KCND3: variants seen among roughly 807,000 people sequenced by gnomAD.
KCND3 encodes the protein A-type voltage-gated potassium channel KCND3.
A neutral mutation model predicts 51.1 loss-of-function variants in KCND3; 9 were observed. That is an observed-to-expected ratio of 0.18 (90% CI 0.11 to 0.31). The LOEUF (loss-of-function observed/expected upper bound fraction) is 0.31, where lower values mean the gene tolerates loss of function less well. Ranked by LOEUF, KCND3 falls within the 10% of genes least tolerant of loss-of-function variation. KCND3 has a pLI of 1.00. For missense variants in KCND3, 526 were observed against 903.8 expected, an observed-to-expected ratio of 0.58 and a Z score of 5.36; for synonymous variants, 349 against 368.0, an observed-to-expected ratio of 0.95 and a Z score of 0.59.
At chr1:111,924,537 C>T (rs908225606) in intron 2 of KCND3, among the ~76,000 whole-genome samples, 3 of 152,128 alleles carry the variant, frequency 2.0e-5, no homozygotes, top group African/African-American at 7.2e-5. Flanking sequence ...AGGGGTTGTC[C>T]AATGGAACAG....
chr1:111,953,226 C>G (rs1673144508), intron 2 of KCND3, among the ~76,000 whole-genome samples: 1 of 152,156 alleles, frequency 6.6e-6, no homozygotes, highest in South Asian at 2.1e-4. Flanking sequence ...GCTGTCCACC[C>G]ACCCGGTCCA....
At chr1:111,886,702 CT>C (rs1169989213) in intron 2 of KCND3, among the ~76,000 whole-genome samples, 1 of 152,224 alleles carries the variant, frequency 6.6e-6, no homozygotes. Context: ...ATTTCCCTGA[CT>C]TTTCACAACA....
intron 2 of KCND3, among the ~76,000 whole-genome samples, chr1:111,965,125 T>C (rs1312991296): frequency 1.3e-5 from 2 of 149,804 alleles, no homozygotes; most frequent in African/African-American, 4.9e-5. Flanking sequence ...CCAAGGACTG[T>C]TGAATCTCTC....
intron 2 of KCND3, among the ~76,000 whole-genome samples, chr1:111,917,641 C>A (rs1307433278): frequency 6.6e-6 from 1 of 152,168 alleles, no homozygotes; most frequent in Non-Finnish European, 1.5e-5. Flanking sequence ...ACTTCTCCAT[C>A]AAAGGCCATT....
At chr1:111,988,085 A>G (rs1675389759) in intron 1 of KCND3, among the ~76,000 whole-genome samples, 2 of 152,166 alleles carry the variant, frequency 1.3e-5, no homozygotes, top group African/African-American at 4.8e-5. Context: ...AAGTCATGTC[A>G]CCAAGGTCTG....
In KCND3 at chr1:111,921,076, T is replaced by C. The variant is rs964565939; in HGVS notation, c.1106+60545A>G. Among the ~76,000 whole-genome samples, 12 of 152,170 alleles carry C rather than the reference T, an allele frequency of 7.9e-5. No homozygotes were observed. In the South Asian group the frequency reaches 1.5e-3, roughly 18 times the overall value. ...GAAAGAGTAAGGAAAACTAACATGG[T>C]TGAACTCCTACACTTAGCCAGCCAC... On this transcript the variant is annotated intron_variant, in intron 2 of 7. Transcript: ENST00000302127.
chr1:111,810,520 G>A (rs1665799345), intron 2 of KCND3, among the ~76,000 whole-genome samples: 1 of 152,224 alleles, frequency 6.6e-6, no homozygotes, highest in Non-Finnish European at 1.5e-5. Context: ...ATCCTGGCTG[G>A]AGAGACAGCA....
chr1:111,973,821 G>C (rs1402215389), intron 2 of KCND3, among the ~76,000 whole-genome samples: 1 of 152,108 alleles, frequency 6.6e-6, no homozygotes, highest in Admixed American at 6.5e-5. Context: ...GCCACTCATG[G>C]GTATTATGAT....
intron 2 of KCND3, among the ~76,000 whole-genome samples, chr1:111,889,359 C>G (rs1029444362): frequency 1.3e-5 from 2 of 152,154 alleles, no homozygotes; most frequent in Non-Finnish European, 2.9e-5. Context: ...ATGCCTTCAC[C>G]CAGATAATCA....
rs1457778030 is a variant in KCND3, at chr1:111,929,239, C to T, written c.1106+52382G>A. ...AGGTCACCACCTCGGTTCTCTGCTG[C>T]ATTCTGCCCCCCACAACCCCCACTG... On this transcript the variant is annotated intron_variant, in intron 2 of 7. Coordinates refer to ENST00000302127, the MANE Select transcript of KCND3 (RefSeq NM_001378969.1). 2.6e-5 allele frequency among the ~76,000 whole-genome samples: 4 copies of T among 152,174 alleles called. No homozygotes were observed. In the East Asian group the frequency reaches 5.8e-4, roughly 22 times the overall value.
At chr1:111,799,735 G>C (rs1004461064) in intron 2 of KCND3, among the ~76,000 whole-genome samples, 2 of 152,224 alleles carry the variant, frequency 1.3e-5, no homozygotes, top group African/African-American at 4.8e-5. Context: ...AGCCTGCACA[G>C]CTCCTAGGAA....
Position 111,772,429 on chromosome 1 carries a change from C to T in KCND3, c.*3648G>A, listed in dbSNP as rs1472422060. ...AAGGGCTGTGTCCAAGTAGTATTGA[C>T]ATATACGTATTGACATATAAGACTA... On this transcript the variant is annotated 3_prime_UTR_variant, in exon 8 of 8. Coordinates refer to ENST00000302127, the MANE Select transcript of KCND3 (RefSeq NM_001378969.1). 1 of 152,192 alleles carries T rather than the reference C, an allele frequency of 6.6e-6. No individual in the cohort carries two copies. Among genetic ancestry groups the T allele is most frequent in the African/African-American group, 2.4e-5 (1 of 41,440 alleles). 9.4% of individuals were successfully genotyped at this position (152,192 alleles called of 1,614,324 possible).
chr1:111,965,438 CCACACACACACACACACACACACACA>C (rs56156826), intron 2 of KCND3, among the ~76,000 whole-genome samples: 896 of 72,418 alleles, frequency 0.012, 14 homozygotes, highest in Non-Finnish European at 0.015. Flanking sequence ...GCCAGCAAAA[CCACACACACACACACACACACACACA>C]CACACACACA....
At chr1:111,911,987 T>C (rs1350807824) in intron 2 of KCND3, among the ~76,000 whole-genome samples, 2 of 152,066 alleles carry the variant, frequency 1.3e-5, no homozygotes, top group African/African-American at 2.4e-5. Context: ...GCAGCTAGAG[T>C]GTGCAGGCAC....
At chr1:111,865,913 C>A (rs1668540968) in intron 2 of KCND3, among the ~76,000 whole-genome samples, 1 of 152,112 alleles carries the variant, frequency 6.6e-6, no homozygotes, top group Non-Finnish European at 1.5e-5. Flanking sequence ...ACCATGTTGC[C>A]TAGGCTGGTC....
In KCND3 at chr1:111,772,599, A is replaced by G. The variant is rs1452215579; in HGVS notation, c.*3478T>C. 3 of 152,370 alleles carry G rather than the reference A, an allele frequency of 2.0e-5. No homozygotes were observed. The East Asian group carries it at 5.8e-4, about 29-fold the overall frequency. The allele number at this position is 152,370 out of a possible 1,614,324, so 9.4% of individuals were successfully genotyped here. On this transcript the variant is annotated 3_prime_UTR_variant, in exon 8 of 8. Coordinates refer to ENST00000302127, the MANE Select transcript of KCND3 (RefSeq NM_001378969.1). The stretch of plus-strand genomic sequence containing the variant: ...CTCAGATCTGTCATTAAATAACTGC[A>G]TGACCTTGAACAAGTCATTTAATTT...
At chr1:111,866,015 TTA>T (rs1171096115) in intron 2 of KCND3, among the ~76,000 whole-genome samples, 3 of 152,052 alleles carry the variant, frequency 2.0e-5, no homozygotes, top group African/African-American at 7.2e-5. Context: ...CCAAACACAT[TTA>T]TGTTTTCAAT....
chr1:111,883,782 C>T (rs1051896293), intron 2 of KCND3, among the ~76,000 whole-genome samples: 4 of 152,194 alleles, frequency 2.6e-5, no homozygotes, highest in Non-Finnish European at 4.4e-5. Context: ...AGATTCTGCA[C>T]GTCTGATATT....
intron 2 of KCND3, among the ~76,000 whole-genome samples, chr1:111,827,526 G>C (rs1378480443): frequency 6.6e-6 from 1 of 152,216 alleles, no homozygotes; most frequent in Non-Finnish European, 1.5e-5. Flanking sequence ...TGAGGGCCAG[G>C]AGCAGATAAT....
Sources: allele counts gnomAD v4.1 joint callset (sites outside exome capture counted in the v4.1 genomes callset), GRCh38; gene constraint gnomAD v4.1.1; transcripts MANE v1.5; gene names NCBI Gene and HGNC (gene_info 2026-07-23, HGNC 2026-07-21).